The following COL21A1 variants were observed in gnomAD, a reference collection of about 807,000 sequenced individuals.
COL21A1 encodes collagen type XXI alpha 1 chain, also known as collagen alpha-1(XXI) chain.
COL21A1 carries 149 observed loss-of-function variants against 137.9 expected under a neutral mutation model. The observed-to-expected ratio is 1.08, with a 90% CI of 0.95 to 1.24. COL21A1 has a LOEUF of 1.24. Ranked by LOEUF, COL21A1 falls within the 50% of genes most tolerant of loss-of-function variation. The pLI, the probability that COL21A1 is intolerant of heterozygous loss-of-function variation, is 0.00. For missense variants in COL21A1, 1,167 were observed against 1,158.4 expected (o/e 1.01, Z -0.11); for synonymous variants, 456 against 391.5 (o/e 1.16, Z -1.95).
At chr6:56,104,460 T>C (rs531814562) in intron 16 of COL21A1, among the ~76,000 whole-genome samples, 1 of 152,282 alleles carries the variant, frequency 6.6e-6, no homozygotes, top group African/African-American at 2.4e-5. Flanking sequence ...TAATTTCTAC[T>C]TGGCATTTTC....
At chr6:56,166,235 G>T (rs1332008749) in intron 7 of COL21A1, among the ~76,000 whole-genome samples, 1 of 151,962 alleles carries the variant, frequency 6.6e-6, no homozygotes, top group Non-Finnish European at 1.5e-5. Flanking sequence ...TATTATACAT[G>T]ATTATATTAA....
In COL21A1 at chr6:56,142,003, GA is replaced by G. The variant is rs776370921; in HGVS notation, c.1435-21del. 147 of 1,466,758 alleles carry G rather than the reference GA, an allele frequency of 1.0e-4. 1 individual carries two copies. The highest frequency in any genetic ancestry group is 2.4e-4 in the Middle Eastern group (1 of 4,118). 90.9% of individuals were successfully genotyped at this position (1,466,758 alleles called of 1,614,324 possible). On this transcript the variant is annotated intron_variant, in intron 10 of 29. Coordinates refer to ENST00000244728, the MANE Select transcript of COL21A1 (RefSeq NM_030820.4). ...ATATCCCTAAAGAAAAATTTAAAAA[GA>G]AAAAAAATAATATTTCATCATATTT...
chr6:56,132,302 T>C (rs776337042), intron 12 of COL21A1, among the ~76,000 whole-genome samples: 1 of 152,098 alleles, frequency 6.6e-6, no homozygotes, highest in Non-Finnish European at 1.5e-5. Context: ...AATCCATATG[T>C]GCAAAGGGAT....
chr6:56,238,250 T>C (rs1782039277), intron 1 of COL21A1, among the ~76,000 whole-genome samples: 1 of 151,848 alleles, frequency 6.6e-6, no homozygotes, highest in African/African-American at 2.4e-5. Flanking sequence ...AGGACAGGAA[T>C]CATGTCATAT....
At chr6:56,121,301 G>A (rs1286231108) in intron 16 of COL21A1, among the ~76,000 whole-genome samples, 1 of 151,680 alleles carries the variant, frequency 6.6e-6, no homozygotes, top group Non-Finnish European at 1.5e-5. Context: ...GCTACATAAT[G>A]TATCATTCCA....
At chr6:56,194,583 G>A (rs1025978332) in intron 1 of COL21A1, among the ~76,000 whole-genome samples, 2 of 152,122 alleles carry the variant, frequency 1.3e-5, no homozygotes, top group Non-Finnish European at 2.9e-5. Flanking sequence ...AAGAAAAAAA[G>A]TCCCTATTCC....
chr6:56,296,163 A>G (rs540357938), intron 1 of COL21A1, among the ~76,000 whole-genome samples: 2 of 152,104 alleles, frequency 1.3e-5, no homozygotes, highest in East Asian at 3.9e-4. Context: ...AGTATATTTC[A>G]GCATTAAAGT....
chr6:56,201,132 C>A (rs2152298005), intron 1 of COL21A1, among the ~76,000 whole-genome samples: 1 of 152,132 alleles, frequency 6.6e-6, no homozygotes, highest in Admixed American at 6.5e-5. Context: ...ATATCCTTTG[C>A]CCACTTTTTG....
At chr6:56,112,770 C>T (rs760425018) in intron 16 of COL21A1, among the ~76,000 whole-genome samples, 4 of 151,152 alleles carry the variant, frequency 2.6e-5, no homozygotes, top group Admixed American at 6.6e-5. Flanking sequence ...CTGCAACCTC[C>T]GCCTCCCAGG....
intron 12 of COL21A1, among the ~76,000 whole-genome samples, chr6:56,138,397 G>T (rs765738084): frequency 9.9e-5 from 15 of 151,544 alleles, no homozygotes; most frequent in Non-Finnish European, 1.8e-4. Flanking sequence ...CTCTTAATGA[G>T]GAAGGGGAAG....
intron 1 of COL21A1, among the ~76,000 whole-genome samples, chr6:56,303,529 G>C (rs1268531437): frequency 6.6e-6 from 1 of 152,134 alleles, no homozygotes; most frequent in Non-Finnish European, 1.5e-5. Flanking sequence ...TTGACTCTCT[G>C]TTTGTCTGTT....
intron 1 of COL21A1, among the ~76,000 whole-genome samples, chr6:56,284,708 CAATCTCATTACGCTGGCA>C (rs1194322323): frequency 6.6e-6 from 1 of 151,946 alleles, no homozygotes; most frequent in East Asian, 1.9e-4. Flanking sequence ...AGAATAAAAT[CAATCTCATTACGCTGGCA>C]ATGAGATGAA....
chr6:56,389,007 C>T (rs1247774200), intron 1 of COL21A1, among the ~76,000 whole-genome samples: 1 of 152,094 alleles, frequency 6.6e-6, no homozygotes. Flanking sequence ...CAGAGTCTCC[C>T]AAGAGCAGAA....
Position 56,326,297 on chromosome 6 carries a change from A to T in COL21A1, c.-39+67674T>A, listed in dbSNP as rs553312929. 3.3e-5 allele frequency among the ~76,000 whole-genome samples: 5 copies of T among 151,606 alleles called. No homozygotes were observed. The South Asian group carries it at 1.0e-3, about 31-fold the overall frequency. On this transcript the variant is annotated intron_variant, in intron 1 of 28. Coordinates refer to the COL21A1 transcript ENST00000370819. Reference sequence around the variant, plus strand: ...CAATGGAGGTTATTTTGAATAACTGAATTATTCAGTTAGCTAAAATTTACT... The same window carrying T: ...CAATGGAGGTTATTTTGAATAACTGTATTATTCAGTTAGCTAAAATTTACT...
At position 56,194,863 on chromosome 6, in the gene COL21A1, T is replaced by G. The variant is rs142027636; in HGVS notation, c.-38-12207A>C. Among the ~76,000 whole-genome samples, 1,424 of 152,320 alleles carry G rather than the reference T, an allele frequency of 9.3e-3. 8 individuals carry two copies. Among genetic ancestry groups the G allele is most frequent in the Non-Finnish European group, 0.016 (1,077 of 68,024 alleles). ...CAAAATTCATGTTAAAACTTAATCC[T>G]TAATGCAGCAGTACTGAGAGGCAGG... On this transcript the variant is annotated intron_variant, in intron 1 of 29. Coordinates refer to ENST00000244728, the MANE Select transcript of COL21A1 (RefSeq NM_030820.4).
chr6:56,156,858 C>G (rs1775780619), intron 10 of COL21A1, 29 bp downstream of exon 10: 2 of 1,579,702 alleles, frequency 1.3e-6, no homozygotes, highest in Non-Finnish European at 1.7e-6. Flanking sequence ...CCCAGATATA[C>G]CGGAGATGAC....
intron 1 of COL21A1, among the ~76,000 whole-genome samples, chr6:56,185,254 A>T (rs1778189776): frequency 6.6e-6 from 1 of 151,932 alleles, no homozygotes. Context: ...AAAAATAAAT[A>T]ATTAAAAAGT....
At chr6:56,261,621 T>C (rs970053709) in intron 1 of COL21A1, among the ~76,000 whole-genome samples, 17 of 152,212 alleles carry the variant, frequency 1.1e-4, no homozygotes, top group African/African-American at 3.9e-4. Flanking sequence ...TCTGGAACTG[T>C]AAAAAGATAA....
intron 1 of COL21A1, among the ~76,000 whole-genome samples, chr6:56,393,611 A>T (rs1458552907): frequency 6.6e-6 from 1 of 152,220 alleles, no homozygotes; most frequent in Admixed American, 6.5e-5. Flanking sequence ...AAGACAAAAT[A>T]GTGTATAGAG....
Sources: allele counts gnomAD v4.1 joint callset (sites outside exome capture counted in the v4.1 genomes callset), GRCh38; gene constraint gnomAD v4.1.1; transcripts MANE v1.5; gene names NCBI Gene and HGNC (gene_info 2026-07-23, HGNC 2026-07-21).